The following EPHA6 variants were observed in gnomAD, a reference collection of about 807,000 sequenced individuals.
The protein encoded by EPHA6 is EPH receptor A6, also known as ephrin type-A receptor 6.
A neutral mutation model predicts 112.0 loss-of-function variants in EPHA6; 50 were observed. That is an observed-to-expected ratio of 0.45 (90% CI 0.36 to 0.56). The LOEUF is 0.56. EPHA6 is among the 20% of genes least tolerant of loss of function. The probability of loss-of-function intolerance (pLI) is 0.00; values close to 1 mark genes in which losing one functional copy is unlikely to be tolerated. For synonymous variants in EPHA6, 529 were observed against 490.7 expected (o/e 1.08, Z -1.03); for missense variants, 1,280 against 1,417.4 (o/e 0.90, Z 1.56).
At chr3:97,017,567 G>T (rs142407620) in intron 3 of EPHA6, among the ~76,000 whole-genome samples, 2 of 152,274 alleles carry the variant, frequency 1.3e-5, no homozygotes, top group East Asian at 3.9e-4. Flanking sequence ...GTGAATCTAG[G>T]GCTGAACTGG....
At chr3:97,187,791 T>G (rs1343121037) in intron 3 of EPHA6, among the ~76,000 whole-genome samples, 1 of 152,056 alleles carries the variant, frequency 6.6e-6, no homozygotes, top group Non-Finnish European at 1.5e-5. Flanking sequence ...CTGTCCTCAT[T>G]ACATTGGCAA....
chr3:97,494,306 T>C (rs1207820374), intron 10 of EPHA6, among the ~76,000 whole-genome samples: 1 of 152,166 alleles, frequency 6.6e-6, no homozygotes, highest in East Asian at 1.9e-4. Context: ...AGTTAATCTA[T>C]CTCTGGTTAG....
chr3:96,996,710 T>C (rs1264325765), intron 3 of EPHA6, among the ~76,000 whole-genome samples: 4 of 152,140 alleles, frequency 2.6e-5, no homozygotes, highest in Non-Finnish European at 4.4e-5. Flanking sequence ...TGAACAGATG[T>C]ACTGTCATCA....
chr3:97,117,179 T>C (rs551258058), intron 3 of EPHA6, among the ~76,000 whole-genome samples: 1 of 151,850 alleles, frequency 6.6e-6, no homozygotes, highest in East Asian at 1.9e-4. Flanking sequence ...AGTCATTTGT[T>C]TTCTTACTAT....
intron 14 of EPHA6, among the ~76,000 whole-genome samples, chr3:97,701,070 G>A (rs1467437633): frequency 6.6e-6 from 1 of 152,194 alleles, no homozygotes; most frequent in Non-Finnish European, 1.5e-5. Context: ...TGGGTAATAA[G>A]TGGTTGTTCA....
chr3:97,646,215 A>G (rs1049573160), intron 14 of EPHA6: 2 of 1,535,772 alleles, frequency 1.3e-6, no homozygotes, highest in Non-Finnish European at 1.7e-6. Context: ...TGGTTATGGT[A>G]CTGGACTGGT....
At chr3:97,175,573 A>G (rs2076814057) in intron 3 of EPHA6, among the ~76,000 whole-genome samples, 1 of 151,728 alleles carries the variant, frequency 6.6e-6, no homozygotes, top group Non-Finnish European at 1.5e-5. Flanking sequence ...TTCCTTCATC[A>G]GTGTTTTATA....
chr3:96,852,512 T>G (rs976925280), intron 1 of EPHA6, among the ~76,000 whole-genome samples: 5 of 151,962 alleles, frequency 3.3e-5, no homozygotes, highest in African/African-American at 7.3e-5. Flanking sequence ...CTTTATAAGT[T>G]TAGATCCGTT....
chr3:97,187,745 G>GAAAGAAAGAA (rs1418770206), intron 3 of EPHA6, among the ~76,000 whole-genome samples: 19 of 138,410 alleles, frequency 1.4e-4, no homozygotes, highest in African/African-American at 3.5e-4. Flanking sequence ...AAGAAAGAAA[G>GAAAGAAAGAA]AGGAAAGAAA....
chr3:97,493,462 T>C (rs951780117), intron 10 of EPHA6, among the ~76,000 whole-genome samples: 2 of 152,178 alleles, frequency 1.3e-5, no homozygotes, highest in African/African-American at 4.8e-5. Flanking sequence ...AGAAGAGATA[T>C]ATCTTCCTCT....
Position 97,244,086 on chromosome 3 carries a change from G to A in EPHA6, c.1405G>A (p.Asp469Asn), listed in dbSNP as rs2078920947. 7 of 1,612,948 alleles carry A rather than the reference G, an allele frequency of 4.3e-6. No homozygotes were observed. The highest frequency in any genetic ancestry group is 5.1e-6 in the Non-Finnish European group (6 of 1,179,310). The change falls in exon 5 of 18, where the codon GAC (aspartate) becomes AAC (asparagine). Residue 469 changes from aspartate to asparagine, a missense_variant. Asp to Asn is a conservative substitution (Grantham distance 23). Coordinates refer to ENST00000389672, the MANE Select transcript of EPHA6 (RefSeq NM_001080448.3). Reference protein sequence around the residue: ...YSVICKKCGLDTSQCEDCGGG... With the variant: ...YSVICKKCGLNTSQCEDCGGG... ...TGTAATCTGTAAGAAATGTGGCTTAGACACCAGCCAGTGTGAGGACTGTGG... is the reference window on the plus strand; with the variant it reads ...TGTAATCTGTAAGAAATGTGGCTTAAACACCAGCCAGTGTGAGGACTGTGG...
intron 1 of EPHA6, among the ~76,000 whole-genome samples, chr3:96,820,117 CA>C (rs1446128949): frequency 1.3e-5 from 2 of 151,994 alleles, no homozygotes; most frequent in East Asian, 3.8e-4. Context: ...GAGCTTGACA[CA>C]TTTGAAAAAC....
At chr3:97,391,050 T>G (rs2086365951) in intron 5 of EPHA6, among the ~76,000 whole-genome samples, 1 of 152,114 alleles carries the variant, frequency 6.6e-6, no homozygotes, top group Non-Finnish European at 1.5e-5. Flanking sequence ...CAATACTGCA[T>G]GTTCAAACTC....
chr3:97,093,743 C>T lies in EPHA6; in HGVS notation c.1114+105750C>T, dbSNP rs57329960. ...TAAGTGGAATGATGACTTCCTTCTCCGTCTCTTTAGGGTGATGTAATAGTT... is the reference window on the plus strand; with the variant it reads ...TAAGTGGAATGATGACTTCCTTCTCTGTCTCTTTAGGGTGATGTAATAGTT... On this transcript the variant is annotated intron_variant, in intron 3 of 17. Coordinates refer to ENST00000389672, the MANE Select transcript of EPHA6 (RefSeq NM_001080448.3). Among the ~76,000 whole-genome samples the T allele has an allele frequency of 3.7e-3, 560 of 152,122 alleles. 3 individuals are homozygous for T. The highest frequency in any genetic ancestry group is 0.013 in the African/African-American group (536 of 41,522).
chr3:97,639,817 C>G (rs2107564791), intron 14 of EPHA6, among the ~76,000 whole-genome samples: 1 of 152,270 alleles, frequency 6.6e-6, no homozygotes, highest in East Asian at 1.9e-4. Context: ...GGACCCCAGA[C>G]TTAAATAGCA....
chr3:97,153,719 G>A (rs896822892), intron 3 of EPHA6, among the ~76,000 whole-genome samples: 3 of 151,904 alleles, frequency 2.0e-5, no homozygotes, highest in Non-Finnish European at 4.4e-5. Flanking sequence ...TGTGCCATGT[G>A]GAATTTCATT....
chr3:96,938,622 C>A (rs28798192), intron 2 of EPHA6, among the ~76,000 whole-genome samples: 1 of 151,662 alleles, frequency 6.6e-6, no homozygotes, highest in African/African-American at 2.4e-5. Context: ...CCTAATTGCC[C>A]TGGCCAGAAC....
intron 7 of EPHA6, among the ~76,000 whole-genome samples, chr3:97,455,457 G>T (rs2090651682): frequency 6.6e-6 from 1 of 152,082 alleles, no homozygotes; most frequent in African/African-American, 2.4e-5. Context: ...CTAATGCTTA[G>T]AACCAAAATT....
intron 5 of EPHA6, among the ~76,000 whole-genome samples, chr3:97,270,222 A>C (rs1310162551): frequency 6.6e-6 from 1 of 152,192 alleles, no homozygotes; most frequent in Non-Finnish European, 1.5e-5. Context: ...TAATGAAAAT[A>C]TTTTGCAAAA....
Sources: allele counts gnomAD v4.1 joint callset (sites outside exome capture counted in the v4.1 genomes callset), GRCh38; gene constraint gnomAD v4.1.1; transcripts MANE v1.5; gene names NCBI Gene and HGNC (gene_info 2026-07-23, HGNC 2026-07-21).